The following CASK variants were observed in gnomAD, a reference collection of about 807,000 sequenced individuals.
CASK encodes calcium/calmodulin dependent serine protein kinase.
A neutral mutation model predicts 82.9 loss-of-function variants in CASK; 4 were observed. The observed-to-expected ratio is 0.05, with a 90% CI of 0.02 to 0.11. CASK has a LOEUF of 0.11. Ranked by LOEUF, CASK falls within the 10% of genes least tolerant of loss-of-function variation. The pLI is 1.00. For synonymous variants in CASK, 259 were observed against 253.5 expected, an observed-to-expected ratio of 1.02 and a Z score of -0.20; for missense variants, 358 against 720.9, an observed-to-expected ratio of 0.50 and a Z score of 5.76.
At chrX:41,717,080 G>A (rs1027938351) in intron 5 of CASK, among the ~76,000 whole-genome samples, 3 of 109,612 alleles carry the variant, frequency 2.7e-5, no homozygotes, top group East Asian at 2.9e-4. Flanking sequence ...TGCCCTTCCC[G>A]CCAGTGTAAC....
intron 1 of CASK, among the ~76,000 whole-genome samples, chrX:41,872,866 G>C (rs900985269): frequency 1.7e-4 from 19 of 110,394 alleles, no homozygotes; most frequent in African/African-American, 6.3e-4. Context: ...TGATGACCTT[G>C]ACAGTTCAAA....
intron 5 of CASK, chrX:41,696,154 T>A (rs753126394): frequency 8.3e-7 from 1 of 1,208,171 alleles, no homozygotes; most frequent in Non-Finnish European, 1.1e-6. Flanking sequence ...AGTATTTATG[T>A]CTGTTGTATA....
At chrX:41,633,058 A>C (rs184727446) in intron 9 of CASK, among the ~76,000 whole-genome samples, 1,221 of 84,161 alleles carry the variant, frequency 0.015, 23 homozygotes, top group African/African-American at 0.042. Context: ...AAAAAAAAAA[A>C]TAATAATAAT....
intron 2 of CASK, among the ~76,000 whole-genome samples, chrX:41,848,414 G>C (rs1324563860): frequency 9.0e-6 from 1 of 111,680 alleles, no homozygotes; most frequent in Non-Finnish European, 1.9e-5. Context: ...GTTATCATGA[G>C]AACTGGTTGT....
rs2064545577 is a variant in CASK at position 41,516,082 on chromosome X, G to A, written c.*4338C>T. ...TCCCACAAAGAGCTAAGACTTAGGAGTGCTGGCCCCAGAGATGGTGCGGCC... is the reference window on the plus strand; with the variant it reads ...TCCCACAAAGAGCTAAGACTTAGGAATGCTGGCCCCAGAGATGGTGCGGCC... On this transcript the variant is annotated 3_prime_UTR_variant, in exon 27 of 27. Transcript: ENST00000378163. The A allele has an allele frequency of 8.9e-6, 1 of 112,647 alleles. No homozygotes were observed. The highest frequency in any genetic ancestry group is 3.2e-5 in the African/African-American group (1 of 31,000). 9.3% of individuals were successfully genotyped at this position (112,647 alleles called of 1,213,427 possible).
At chrX:41,531,339 T>C (rs1337073280) in intron 24 of CASK, 130 bp from the exon 25 acceptor site, 34 of 563,187 alleles carry the variant, frequency 6.0e-5, no homozygotes, top group Non-Finnish European at 7.5e-5. Context: ...TCATATCCCC[T>C]GTTCTCACCC....
intron 8 of CASK, among the ~76,000 whole-genome samples, chrX:41,657,141 CGAT>C (rs1259900155): frequency 8.9e-6 from 1 of 111,774 alleles, no homozygotes; most frequent in African/African-American, 3.3e-5. Context: ...TAGACCAGCA[CGAT>C]GTTGATTCTA....
At chrX:41,773,115 T>G (rs1274571654) in intron 3 of CASK, among the ~76,000 whole-genome samples, 3 of 110,458 alleles carry the variant, frequency 2.7e-5, no homozygotes, top group Non-Finnish European at 3.8e-5. Flanking sequence ...GAAGCCACAG[T>G]GGTTCATACC....
At chrX:41,596,245 T>C (rs1049180778) in intron 12 of CASK, among the ~76,000 whole-genome samples, 2 of 109,415 alleles carry the variant, frequency 1.8e-5, no homozygotes, top group East Asian at 5.7e-4. Flanking sequence ...CCTGGCAAGA[T>C]AGGAAATATT....
intron 8 of CASK, among the ~76,000 whole-genome samples, chrX:41,653,713 T>A (rs1166158900): frequency 8.9e-6 from 1 of 112,621 alleles, no homozygotes; most frequent in Non-Finnish European, 1.9e-5. Flanking sequence ...AGAAATTGTC[T>A]CATTTCATAG....
chrX:41,870,583 T>C (rs1274715405), intron 1 of CASK, among the ~76,000 whole-genome samples: 5 of 112,226 alleles, frequency 4.5e-5, no homozygotes, highest in Non-Finnish European at 7.5e-5. Flanking sequence ...GTAATAATAA[T>C]GTCTTGCTGA....
At chrX:41,689,465 TAA>T (rs1168681328) in intron 5 of CASK, among the ~76,000 whole-genome samples, 6 of 112,056 alleles carry the variant, frequency 5.4e-5, no homozygotes, top group African/African-American at 1.6e-4. Flanking sequence ...TTATTGACTT[TAA>T]GTTATGCTGT....
At chrX:41,911,530 A>T (rs2072565962) in intron 1 of CASK, among the ~76,000 whole-genome samples, 1 of 112,218 alleles carries the variant, frequency 8.9e-6, no homozygotes, top group Non-Finnish European at 1.9e-5. Flanking sequence ...TTTCCACCTC[A>T]TTTTGCTCAC....
intron 12 of CASK, among the ~76,000 whole-genome samples, chrX:41,597,312 G>A (rs943486273): frequency 8.9e-6 from 1 of 112,337 alleles, no homozygotes; most frequent in African/African-American, 3.2e-5. Context: ...TGTAGGCATA[G>A]GCTTGTAGGG....
At chrX:41,653,015 T>C (rs1162624354) in intron 8 of CASK, among the ~76,000 whole-genome samples, 2 of 112,241 alleles carry the variant, frequency 1.8e-5, no homozygotes, top group Non-Finnish European at 3.8e-5. Flanking sequence ...TGGGATGTGA[T>C]ACTATAGTGT....
intron 10 of CASK, among the ~76,000 whole-genome samples, chrX:41,625,682 C>T (rs772791230): frequency 9.0e-6 from 1 of 111,613 alleles, no homozygotes; most frequent in African/African-American, 3.3e-5. Context: ...TTTGTGAACA[C>T]TGGCAGGTTG....
chrX:41,837,193 A>G (rs1223390986), intron 2 of CASK, among the ~76,000 whole-genome samples: 1 of 112,350 alleles, frequency 8.9e-6, no homozygotes, highest in East Asian at 2.8e-4. Flanking sequence ...AGAAAGTTGC[A>G]AAAGTAGTAC....
At position 41,901,099 on chromosome X, in the gene CASK, C is replaced by T. The variant is rs894641488; in HGVS notation, c.59+21831G>A. On this transcript the variant is annotated intron_variant, in intron 1 of 26. Transcript: ENST00000378163. ...TGTCCATTTCTTTATGACTGGTTACCGGTGCTTCATTTTGTTCCTCTGGTG... is the reference window on the plus strand; with the variant it reads ...TGTCCATTTCTTTATGACTGGTTACTGGTGCTTCATTTTGTTCCTCTGGTG... 2.7e-5 allele frequency among the ~76,000 whole-genome samples: 3 copies of T among 111,366 alleles called. No homozygotes were observed. In the Admixed American group the frequency reaches 2.9e-4, roughly 11 times the overall value.
At position 41,654,249 on chromosome X, in the gene CASK, T is replaced by G. The variant is rs1333564927; in HGVS notation, c.831+6190A>C. Among the ~76,000 whole-genome samples the G allele has an allele frequency of 4.5e-5, 5 of 111,410 alleles. No individual in the cohort carries two copies. In the East Asian group the frequency reaches 1.1e-3, roughly 25 times the overall value. ...GACTCATCCCAGGAAGGTGGAAAGT[T>G]TAAATGGTTATTAATAAATAAGGTG... On this transcript the variant is annotated intron_variant, in intron 8 of 26. Transcript: ENST00000378163.
Sources: gnomAD v4.1 joint callset for allele counts (sites outside exome capture counted in the v4.1 genomes callset) on GRCh38, gnomAD v4.1.1 for gene constraint, MANE v1.5 for transcripts, NCBI Gene and HGNC (gene_info 2026-07-23, HGNC 2026-07-21) for gene names.